Variants in RIMS2 observed in about 807,000 individuals in gnomAD.
RIMS2 encodes the protein regulating synaptic membrane exocytosis 2.
Under a neutral mutation model 174.4 loss-of-function variants are expected in RIMS2, and 59 were observed. The observed-to-expected ratio is 0.34, with a 90% confidence interval of 0.27 to 0.42. The LOEUF (loss-of-function observed/expected upper bound fraction) is 0.42. Among genes scored for constraint, RIMS2 ranks in the 10% least tolerant of loss-of-function variants. The pLI, the probability that RIMS2 is intolerant of heterozygous loss-of-function variation, is 1.00. For missense variants in RIMS2, 1,620 were observed against 1,666.3 expected (o/e 0.97, Z 0.48); for synonymous variants, 606 against 572.5 (o/e 1.06, Z -0.84).
chr8:103,821,117 G>A (rs2098749278), intron 3 of RIMS2, among the ~76,000 whole-genome samples: 1 of 151,474 alleles, frequency 6.6e-6, no homozygotes, highest in Non-Finnish European at 1.5e-5. Flanking sequence ...TAACAGCATA[G>A]TAAGGAATTG....
intron 2 of RIMS2, among the ~76,000 whole-genome samples, chr8:103,733,254 GA>G (rs2097633264): frequency 6.6e-6 from 1 of 152,214 alleles, no homozygotes; most frequent in East Asian, 1.9e-4. Context: ...GAGACTTCAT[GA>G]GTCTGCCTGG....
At chr8:104,198,893 T>G (rs1021226502) in intron 19 of RIMS2, among the ~76,000 whole-genome samples, 3 of 152,166 alleles carry the variant, frequency 2.0e-5, no homozygotes, top group African/African-American at 4.8e-5. Context: ...ACAAATTTAT[T>G]TAATACAAGT....
chr8:103,945,605 T>A (rs1430717887), intron 14 of RIMS2, among the ~76,000 whole-genome samples: 1 of 152,076 alleles, frequency 6.6e-6, no homozygotes, highest in Non-Finnish European at 1.5e-5. Flanking sequence ...CAAAAGGGAT[T>A]TATCCTAGTA....
At chr8:104,095,849 C>T (rs958011445) in intron 19 of RIMS2, among the ~76,000 whole-genome samples, 6 of 152,046 alleles carry the variant, frequency 3.9e-5, no homozygotes, top group Non-Finnish European at 4.4e-5. Flanking sequence ...GACAGATATT[C>T]GGGATAGAAC....
intron 3 of RIMS2, among the ~76,000 whole-genome samples, chr8:103,841,596 A>G (rs539706794): frequency 1.3e-5 from 2 of 152,258 alleles, no homozygotes; most frequent in African/African-American, 4.8e-5. Context: ...TTTACTCCAC[A>G]AAATCTTACA....
chr8:103,816,689 G>A (rs1027200494), intron 3 of RIMS2, among the ~76,000 whole-genome samples: 2 of 152,096 alleles, frequency 1.3e-5, no homozygotes, highest in Non-Finnish European at 2.9e-5. Context: ...ATCATTTCTG[G>A]GATACTGAGG....
chr8:104,123,912 A>C (rs1291120165), intron 19 of RIMS2, among the ~76,000 whole-genome samples: 1 of 152,140 alleles, frequency 6.6e-6, no homozygotes, highest in Admixed American at 6.5e-5. Flanking sequence ...AAAAATTCTA[A>C]AGTGGATTTT....
chr8:103,731,731 G>A (rs2097597958), intron 2 of RIMS2, among the ~76,000 whole-genome samples: 1 of 152,054 alleles, frequency 6.6e-6, no homozygotes, highest in African/African-American at 2.4e-5. Context: ...GCCATTAAGA[G>A]ACTCTGATGC....
In RIMS2 at chr8:103,746,547, A is replaced by C. The variant is rs980311211; in HGVS notation, c.388-19680A>C. On this transcript the variant is annotated intron_variant, in intron 2 of 23. Transcript: ENST00000504942. The stretch of plus-strand genomic sequence containing the variant: ...GGTTCATTGTGCAGATTATTTCATC[A>C]CTCAGGTATTAAGCCTAGTATCCAT... Among the ~76,000 whole-genome samples the C allele has an allele frequency of 2.6e-5, 4 of 151,964 alleles. No homozygotes were observed. The East Asian group carries it at 7.7e-4, about 29-fold the overall frequency.
chr8:103,798,466 A>G (rs1384342862), intron 3 of RIMS2, among the ~76,000 whole-genome samples: 1 of 152,156 alleles, frequency 6.6e-6, no homozygotes, highest in African/African-American at 2.4e-5. Context: ...ACATTTCTAT[A>G]TTATCAGTTT....
chr8:104,251,823 G>C (rs778878035), exon 24 of RIMS2: 6 of 1,523,534 alleles, frequency 3.9e-6, no homozygotes, highest in Non-Finnish European at 5.4e-6. Flanking sequence ...GTTCATAGCA[G>C]CTGTAAAAAA....
At chr8:103,540,878 T>C (rs1018876636) in intron 1 of RIMS2, among the ~76,000 whole-genome samples, 1 of 150,934 alleles carries the variant, frequency 6.6e-6, no homozygotes, top group African/African-American at 2.4e-5. Flanking sequence ...GAATGAAAAA[T>C]GCAATAGGGA....
At chr8:103,982,925 A>T (rs1445783072) in intron 16 of RIMS2, among the ~76,000 whole-genome samples, 1 of 152,206 alleles carries the variant, frequency 6.6e-6, no homozygotes, top group Non-Finnish European at 1.5e-5. Flanking sequence ...AGAAATAAAT[A>T]AAGGGCATCT....
intron 2 of RIMS2, among the ~76,000 whole-genome samples, 169 bp downstream of exon 4, chr8:103,697,465 T>G (rs971063280): frequency 2.6e-5 from 4 of 152,040 alleles, no homozygotes; most frequent in Non-Finnish European, 5.9e-5. Context: ...TCTTAGCCCT[T>G]TGGTAGGCCA....
At chr8:103,774,553 TCATTGTGATG>T (rs1415507574) in intron 3 of RIMS2, among the ~76,000 whole-genome samples, 1 of 152,122 alleles carries the variant, frequency 6.6e-6, no homozygotes, top group Non-Finnish European at 1.5e-5. Flanking sequence ...AATCTCAAAA[TCATTGTGATG>T]AATGGAAGAA....
At chr8:104,180,403 C>T (rs1307834198) in intron 19 of RIMS2, among the ~76,000 whole-genome samples, 2 of 148,260 alleles carry the variant, frequency 1.3e-5, no homozygotes, top group African/African-American at 5.0e-5. Context: ...TACAAATTTT[C>T]ATTTTCATTT....
chr8:104,106,209 T>C (rs2098061223), intron 19 of RIMS2, among the ~76,000 whole-genome samples: 2 of 152,078 alleles, frequency 1.3e-5, no homozygotes, highest in African/African-American at 4.8e-5. Context: ...GTTGGGATTA[T>C]AGGCATGAGC....
At chr8:104,071,514 A>G (rs2097194640) in intron 19 of RIMS2, among the ~76,000 whole-genome samples, 1 of 152,166 alleles carries the variant, frequency 6.6e-6, no homozygotes, top group Non-Finnish European at 1.5e-5. Flanking sequence ...AGCTCACTGC[A>G]ACCTCCGCCT....
chr8:103,891,328 G>A (rs912564604), intron 4 of RIMS2, among the ~76,000 whole-genome samples: 8 of 152,026 alleles, frequency 5.3e-5, no homozygotes, highest in Non-Finnish European at 1.2e-4. Flanking sequence ...TATATTAGAA[G>A]TTTGTGACTT....
Sources: allele counts gnomAD v4.1 joint callset (sites outside exome capture counted in the v4.1 genomes callset), GRCh38; gene constraint gnomAD v4.1.1; transcripts MANE v1.5; gene names NCBI Gene and HGNC (gene_info 2026-07-23, HGNC 2026-07-21).